The following HNRNPH3 variants were observed in gnomAD, a reference collection of about 807,000 sequenced individuals.
The protein encoded by HNRNPH3 is heterogeneous nuclear ribonucleoprotein 2H9.
Under a neutral mutation model 47.0 loss-of-function variants are expected in HNRNPH3, and 7 were observed. That is an observed-to-expected ratio of 0.15 (90% confidence interval 0.08 to 0.28). HNRNPH3 has a LOEUF of 0.28. Among genes scored for constraint, HNRNPH3 ranks in the 10% least tolerant of loss-of-function variants. The pLI, the probability that HNRNPH3 is intolerant of heterozygous loss-of-function variation, is 1.00. For synonymous variants in HNRNPH3, 120 were observed against 143.2 expected, an observed-to-expected ratio of 0.84 and a Z score of 1.16; for missense variants, 279 against 449.6, an observed-to-expected ratio of 0.62 and a Z score of 3.43.
chr10:68,339,492 T>C lies in HNRNPH3; in HGVS notation c.576T>C (p.His192=), dbSNP rs201429006. Reference sequence around the variant, plus strand: ...CTGGTGATGCAAGTTCAGGTTTTCATGGTGGTCATTTCGTACATATGAGAG... The same window carrying C: ...CTGGTGATGCAAGTTCAGGTTTTCACGGTGGTCATTTCGTACATATGAGAG... ...GGAGDASSGF[H]GGHFVHMRGL... Residue 192 remains histidine, a synonymous_variant, in exon 6 of 10, where the codon CAT becomes CAC. Coordinates refer to ENST00000265866, the MANE Select transcript of HNRNPH3 (RefSeq NM_012207.3). The C allele has an allele frequency of 6.8e-5, 109 of 1,614,098 alleles. No individual in the cohort carries two copies. Among genetic ancestry groups the C allele is most frequent in the Non-Finnish European group, 8.9e-5 (105 of 1,179,988 alleles).
Position 68,337,872 on chromosome 10 carries a change from C to A in HNRNPH3, c.127C>A (p.Pro43Thr). 6.2e-7 allele frequency: 1 copy of A among 1,611,778 alleles called. No individual in the cohort carries two copies. Among genetic ancestry groups the A allele is most frequent in the Non-Finnish European group, 8.5e-7 (1 of 1,178,312 alleles). ...VQFFQGLEIV[P>T]NGITLTMDYQ... is the part of the protein sequence containing the mutation. ...TTGGGTTAAAGGGTTGGAAATCGTG[C>A]CAAATGGGATAACATTGACGATGGA... Residue 43 changes from proline (P) to threonine (T), a missense_variant, in exon 3 of 10, where the codon CCA becomes ACA. Physicochemically the swap from Pro to Thr is conservative, Grantham distance 38. Transcript: ENST00000265866. The surrounding 1 kb of genome is among the most constrained non-coding windows in gnomAD (Gnocchi z 4.5).
chr10:68,336,359 G>A (rs1398717401), intron 1 of HNRNPH3, among the ~76,000 whole-genome samples: 2 of 152,102 alleles, frequency 1.3e-5, no homozygotes, highest in Non-Finnish European at 2.9e-5. Context: ...AAGGGAACTG[G>A]GAACTGAGGT....
In HNRNPH3 at chr10:68,342,215, T is replaced by C; in HGVS notation, c.*161T>C. 2 of 541,366 alleles carry C rather than the reference T, an allele frequency of 3.7e-6. No homozygotes were observed. The highest frequency in any genetic ancestry group is 3.1e-5 in the South Asian group (1 of 31,792). The allele number at this position is 541,366 out of a possible 1,614,324, so 33.5% of individuals were successfully genotyped here. A position where few individuals can be genotyped will look rare whatever the true frequency, so the allele number is the denominator to read the frequency against. ...GCAACAGATTGTGATGGGAAAATGT[T>C]TTCTGTAGGTTTATTTGTTGCATAC... On this transcript the variant is annotated 3_prime_UTR_variant, in exon 10 of 10. Transcript: ENST00000265866.
rs2045602831 is a variant in HNRNPH3, at chr10:68,337,499, G to C, written c.112+166G>C. The C allele has an allele frequency of 1.7e-6, 1 of 579,416 alleles. No homozygotes were observed. The allele number at this position is 579,416 out of a possible 1,614,324, so 35.9% of individuals were successfully genotyped here. ...TATGCTCCAGTTAATATTCAATACA[G>C]AATGTGTAGAATATGTAAAACCTAG... On this transcript the variant is annotated intron_variant, in intron 2 of 9. Coordinates refer to ENST00000265866, the MANE Select transcript of HNRNPH3 (RefSeq NM_012207.3). The surrounding 1 kb of genome is among the most constrained non-coding windows in gnomAD (Gnocchi z 4.5).
At chr10:68,338,023 T>G in intron 3 of HNRNPH3, 27 bp downstream of exon 3, 1 of 1,549,626 alleles carries the variant, frequency 6.5e-7, no homozygotes, top group Non-Finnish European at 8.8e-7. Context: ...TGGGATGGTG[T>G]TAAATTTTTA....
In HNRNPH3 at chr10:68,341,280, C is replaced by G; in HGVS notation, c.746C>G (p.Ala249Gly). 6.2e-7 allele frequency: 1 copy of G among 1,603,436 alleles called. No homozygotes were observed. Among genetic ancestry groups the G allele is most frequent in the Non-Finnish European group, 8.5e-7 (1 of 1,177,554 alleles). ...TTTGTGACACATGAAGATGCAGTAG[C>G]TGCCATGTCTAAAGATAAAAATAAC... The part of the protein sequence containing the change: ...VEFVTHEDAV[A>G]AMSKDKNNMQ... The change falls in exon 7 of 10, where the codon GCT becomes GGT. Residue 249 changes from alanine to glycine, a missense_variant. Physicochemically the swap from Ala to Gly is moderately conservative, Grantham distance 60. Transcript: ENST00000265866.
chr10:68,341,938 A>C, intron 9 of HNRNPH3, 40 bp from the exon 10 acceptor site: 1 of 1,601,646 alleles, frequency 6.2e-7, no homozygotes, highest in Non-Finnish European at 8.6e-7. Flanking sequence ...TTTTATGCAG[A>C]TATCTCCTGC....
At position 68,339,559 on chromosome 10, in the gene HNRNPH3, A is replaced by T; in HGVS notation, c.639+4A>T. ...AACTGAAAATGACATTGCTAATGTG[A>T]GTAATTTTTAATAACTATTAGTGGT... On this transcript the variant is annotated splice_donor_region_variant and intron_variant, in intron 6 of 9. Coordinates refer to ENST00000265866, the MANE Select transcript of HNRNPH3 (RefSeq NM_012207.3). The T allele has an allele frequency of 6.4e-7, 1 of 1,550,936 alleles. No individual in the cohort carries two copies. The highest frequency in any genetic ancestry group is 8.9e-7 in the Non-Finnish European group (1 of 1,123,400).
At chr10:68,338,431 C>T in intron 3 of HNRNPH3, 72 bp from the exon 4 acceptor site, 1 of 866,080 alleles carries the variant, frequency 1.2e-6, no homozygotes, top group Non-Finnish European at 1.7e-6. Flanking sequence ...AAACTTACTG[C>T]ATTTTGCCCA....
chr10:68,341,728 T>C (rs541182192), intron 8 of HNRNPH3, 31 bp from the exon 9 acceptor site: 4 of 1,582,460 alleles, frequency 2.5e-6, no homozygotes, highest in Non-Finnish European at 3.4e-6. Flanking sequence ...TATCGATGAG[T>C]CTCAATTTTT....
chr10:68,339,470 G>A lies in HNRNPH3; in HGVS notation c.554G>A (p.Gly185Asp). 6.2e-7 allele frequency: 1 copy of A among 1,613,962 alleles called. No individual in the cohort carries two copies. Among genetic ancestry groups the A allele is most frequent in the Non-Finnish European group, 8.5e-7 (1 of 1,179,920 alleles). The change falls in exon 6 of 10, where the codon GGT becomes GAT. Residue 185 changes from glycine to aspartate, a missense_variant. Around this residue, in one of 2 missense-constraint regions of HNRNPH3, gnomAD observed 239 missense variants for 335.8 expected, o/e 0.71. Coordinates refer to ENST00000265866, the MANE Select transcript of HNRNPH3 (RefSeq NM_012207.3). ...GMGGHGYGGA[G>D]DASSGFHGGH... ...GGAGGACATGGCTATGGTGGAGCTG[G>A]TGATGCAAGTTCAGGTTTTCATGGT...
intron 1 of HNRNPH3, among the ~76,000 whole-genome samples, chr10:68,334,089 GCAGTAGATAAAA>G (rs1240405208): frequency 2.6e-5 from 4 of 152,232 alleles, no homozygotes; most frequent in African/African-American, 7.2e-5. Context: ...TGACTGAACT[GCAGTAGATAAAA>G]ACCTGGTTCT....
chr10:68,333,365 A>T (rs1248039245), intron 1 of HNRNPH3, among the ~76,000 whole-genome samples: 1 of 152,130 alleles, frequency 6.6e-6, no homozygotes, highest in East Asian at 1.9e-4. Context: ...TACTTTTGGG[A>T]AACAGTTAAA....
Position 68,337,744 on chromosome 10 carries a change from T to G in HNRNPH3, c.113-114T>G. ...ATTATGGGGTGATGGGAAACTAAGC[T>G]TTTTTGTTTTGTTTTGTTTTGTTTA... On this transcript the variant is annotated intron_variant, in intron 2 of 9. Coordinates refer to ENST00000265866, the MANE Select transcript of HNRNPH3 (RefSeq NM_012207.3). This position sits in a 1 kb window ranked among gnomAD's most constrained non-coding sequence, Gnocchi z 4.5. 1.0e-6 allele frequency: 1 copy of G among 955,202 alleles called. No individual in the cohort carries two copies. The highest frequency in any genetic ancestry group is 2.1e-5 in the South Asian group (1 of 47,082). The allele number at this position is 955,202 out of a possible 1,614,324, so 59.2% of individuals were successfully genotyped here.
chr10:68,332,725 C>T (rs1297740743), intron 1 of HNRNPH3: 2 of 152,332 alleles, frequency 1.3e-5, no homozygotes, highest in African/African-American at 4.8e-5. Flanking sequence ...GGAAATGGCG[C>T]CGGATGGGCC....
intron 1 of HNRNPH3, among the ~76,000 whole-genome samples, chr10:68,334,085 AACT>A (rs1330835044): frequency 2.6e-5 from 4 of 152,168 alleles, no homozygotes; most frequent in African/African-American, 7.2e-5. Flanking sequence ...AAACTGACTG[AACT>A]GCAGTAGATA....
Position 68,337,234 on chromosome 10 carries a change from A to C in HNRNPH3, c.13A>C (p.Met5Leu). The part of the protein sequence containing the change: MDWV[M>L]KHNGPNDASD... ...AAACGGTATTGAGATGGATTGGGTTATGAAACATAATGGTCCAAATGACGC... is the reference window on the plus strand; with the variant it reads ...AAACGGTATTGAGATGGATTGGGTTCTGAAACATAATGGTCCAAATGACGC... Residue 5 changes from methionine (M) to leucine (L), a missense_variant, in exon 2 of 10, where the codon ATG becomes CTG. Met to Leu is a conservative substitution (Grantham distance 15). Transcript: ENST00000265866. This position sits in a 1 kb window ranked among gnomAD's most constrained non-coding sequence, Gnocchi z 4.5. 2 of 1,606,154 alleles carry C rather than the reference A, an allele frequency of 1.2e-6. No homozygotes were observed. Among genetic ancestry groups the C allele is most frequent in the Non-Finnish European group, 8.5e-7 (1 of 1,172,938 alleles).
rs768068718 is a variant in HNRNPH3, at chr10:68,339,119, G to GT, written c.437-18dup. ...ATCTCTGGAAAGTGTGTAGTCATGT[G>GT]TTTCTCCTTAAATTACACAGGTTAT... On this transcript the variant is annotated intron_variant, in intron 4 of 9. Transcript: ENST00000265866. 2.1e-5 allele frequency: 33 copies of GT among 1,560,348 alleles called. No individual in the cohort carries two copies. The African/African-American group carries it at 2.7e-4, about 13-fold the overall frequency.
In HNRNPH3 at chr10:68,337,588, T is replaced by C. The variant is rs2045607545; in HGVS notation, c.112+255T>C. 1.9e-6 allele frequency: 1 copy of C among 535,402 alleles called. No individual in the cohort carries two copies. The highest frequency in any genetic ancestry group is 3.3e-6 in the Non-Finnish European group (1 of 302,778). The allele number at this position is 535,402 out of a possible 1,614,324, so 33.2% of individuals were successfully genotyped here. Reference sequence around the variant, plus strand: ...GAACCGTGAATTAGTATATGGAGCATATATTTGATTTTGTAGCCTTTTTTC... The same window carrying C: ...GAACCGTGAATTAGTATATGGAGCACATATTTGATTTTGTAGCCTTTTTTC... On this transcript the variant is annotated intron_variant, in intron 2 of 9. Coordinates refer to ENST00000265866, the MANE Select transcript of HNRNPH3 (RefSeq NM_012207.3). This position sits in a 1 kb window ranked among gnomAD's most constrained non-coding sequence, Gnocchi z 4.5.
Sources: allele counts gnomAD v4.1 joint callset (sites outside exome capture counted in the v4.1 genomes callset), GRCh38; gene constraint gnomAD v4.1.1; regional missense constraint gnomAD v4.1.1; non-coding constraint Gnocchi (gnomAD v3.1); transcripts MANE v1.5; gene names NCBI Gene and HGNC (gene_info 2026-07-23, HGNC 2026-07-21).